The following TRDMT1 variants were observed in gnomAD, a reference collection of about 807,000 sequenced individuals.
TRDMT1 encodes the protein tRNA aspartic acid methyltransferase 1.
In TRDMT1, 49 loss-of-function variants were observed where a neutral mutation model predicts 51.2. The ratio of observed to expected loss-of-function variants is 0.96; its 90% CI spans 0.76 to 1.21. TRDMT1 has a LOEUF of 1.21. TRDMT1 is among the 50% of genes most tolerant of loss of function. The pLI is 0.00. For missense variants in TRDMT1, 534 were observed against 462.3 expected (o/e 1.16, Z -1.42); for synonymous variants, 187 against 164.6 (o/e 1.14, Z -1.04).
At chr10:17,185,913 G>C (rs893447426) in intron 1 of TRDMT1, among the ~76,000 whole-genome samples, 1 of 151,992 alleles carries the variant, frequency 6.6e-6, no homozygotes, top group Non-Finnish European at 1.5e-5. Context: ...TGTGGGGTGC[G>C]GGGAGGAAGG....
chr10:17,143,213 T>C lies in TRDMT1; in HGVS notation c.*5827A>G. ...TATGTAGCTTCAATATTGATTCCAG[T>C]ATGGTTCCTACATTCACTCATTCAA... On this transcript the variant is annotated 3_prime_UTR_variant, in exon 11 of 11. Transcript: ENST00000377799. The C allele has an allele frequency of 1.0e-6, 1 of 985,452 alleles. No individual in the cohort carries two copies. The allele number at this position is 985,452 out of a possible 1,614,324, so 61.0% of individuals were successfully genotyped here.
chr10:17,197,201 C>G (rs1406766381), intron 1 of TRDMT1, among the ~76,000 whole-genome samples: 1 of 151,974 alleles, frequency 6.6e-6, no homozygotes, highest in Non-Finnish European at 1.5e-5. Flanking sequence ...AAAAAAGAAT[C>G]TGGGCTAAAT....
chr10:17,195,252 C>T (rs550331551), intron 1 of TRDMT1, among the ~76,000 whole-genome samples: 1 of 152,238 alleles, frequency 6.6e-6, no homozygotes, highest in East Asian at 1.9e-4. Flanking sequence ...TATATATACA[C>T]CATTGGAATA....
intron 1 of TRDMT1, 113 bp downstream of exon 1, chr10:17,201,458 T>G (rs533076399): frequency 8.5e-7 from 1 of 1,176,216 alleles, no homozygotes; most frequent in Non-Finnish European, 1.2e-6. Flanking sequence ...CCCCACAGTG[T>G]CCGCCCCACA....
At chr10:17,164,339 C>T (rs1053531819) in intron 3 of TRDMT1, among the ~76,000 whole-genome samples, 1 of 152,168 alleles carries the variant, frequency 6.6e-6, no homozygotes, top group Non-Finnish European at 1.5e-5. Context: ...TAAAAACTCT[C>T]AATAAATTAG....
At chr10:17,192,280 G>A (rs922124906) in intron 1 of TRDMT1, among the ~76,000 whole-genome samples, 3 of 152,146 alleles carry the variant, frequency 2.0e-5, no homozygotes, top group African/African-American at 7.2e-5. Context: ...ATTGGGGTGA[G>A]GCAGGTTACA....
At chr10:17,169,603 C>A in intron 2 of TRDMT1, 1 of 1,046,628 alleles carries the variant, frequency 9.6e-7, no homozygotes, top group Non-Finnish European at 1.3e-6. Flanking sequence ...ACATTAAGCA[C>A]TCTCAGTGCA....
intron 3 of TRDMT1, 68 bp from the exon 4 acceptor site, chr10:17,162,305 A>ATTCTTTT (rs1214220820): frequency 7.1e-7 from 1 of 1,412,448 alleles, no homozygotes; most frequent in Non-Finnish European, 9.7e-7. Flanking sequence ...TGATAAAAAG[A>ATTCTTTT]TGTCAAATCA....
chr10:17,169,302 ATACC>A (rs1841643287), intron 2 of TRDMT1: 3 of 1,177,144 alleles, frequency 2.5e-6, no homozygotes, highest in East Asian at 5.9e-5. Flanking sequence ...AAATTTTTAA[ATACC>A]TACCTGTCAA....
chr10:17,161,107 A>G (rs725356), intron 5 of TRDMT1, among the ~76,000 whole-genome samples: 144,269 of 152,222 alleles, frequency 0.95, 68,740 homozygotes, highest in Non-Finnish European at 1. Context: ...CCGACACAGG[A>G]ATTCTTCCTG....
intron 1 of TRDMT1, among the ~76,000 whole-genome samples, chr10:17,192,782 G>A (rs549134125): frequency 5.3e-5 from 8 of 152,196 alleles, no homozygotes; most frequent in Admixed American, 5.2e-4. Context: ...GAACATCAAG[G>A]TACACTGAAT....
intron 1 of TRDMT1, among the ~76,000 whole-genome samples, chr10:17,185,125 G>A (rs2131577727): frequency 6.6e-6 from 1 of 152,220 alleles, no homozygotes; most frequent in South Asian, 2.1e-4. Context: ...AATAGGACAT[G>A]GACATCTTTG....
intron 1 of TRDMT1, among the ~76,000 whole-genome samples, chr10:17,193,081 G>A (rs1268581027): frequency 1.3e-5 from 2 of 152,074 alleles, no homozygotes; most frequent in East Asian, 1.9e-4. Flanking sequence ...AGAAATAAAG[G>A]AGCCAGGCAC....
chr10:17,155,812 T>C (rs1839417570), intron 8 of TRDMT1, among the ~76,000 whole-genome samples: 1 of 152,194 alleles, frequency 6.6e-6, no homozygotes, highest in Non-Finnish European at 1.5e-5. Flanking sequence ...ATATTACACA[T>C]ATAAATACGT....
At chr10:17,161,569 G>A in intron 4 of TRDMT1, 21 bp from the exon 5 acceptor site, 2 of 1,183,230 alleles carry the variant, frequency 1.7e-6, no homozygotes, top group African/African-American at 1.6e-5. Context: ...ATAAACAAAT[G>A]GAATTCTAAA....
intron 1 of TRDMT1, among the ~76,000 whole-genome samples, chr10:17,186,091 G>A (rs116632337): frequency 0.014 from 1,554 of 107,522 alleles, 29 homozygotes; most frequent in African/African-American, 0.044. Flanking sequence ...AAATAAATAT[G>A]GTCAATGCAG....
At chr10:17,165,245 AC>A (rs1194072616) in intron 3 of TRDMT1, among the ~76,000 whole-genome samples, 1 of 152,216 alleles carries the variant, frequency 6.6e-6, no homozygotes, top group Non-Finnish European at 1.5e-5. Context: ...TCTTTGACAA[AC>A]CTGACAAAAA....
chr10:17,156,330 A>G (rs1194012196), intron 8 of TRDMT1, among the ~76,000 whole-genome samples: 1 of 151,402 alleles, frequency 6.6e-6, no homozygotes, highest in African/African-American at 2.4e-5. Context: ...TGCCCCCCAG[A>G]TTCAAGCGAT....
At chr10:17,158,594 G>GT in intron 7 of TRDMT1, among the ~76,000 whole-genome samples, 1 of 151,994 alleles carries the variant, frequency 6.6e-6, no homozygotes, top group Non-Finnish European at 1.5e-5. Context: ...ATCCATCCCC[G>GT]TTTTTTGACC....
Sources: gnomAD v4.1 joint callset for allele counts (sites outside exome capture counted in the v4.1 genomes callset) on GRCh38, gnomAD v4.1.1 for gene constraint, MANE v1.5 for transcripts, NCBI Gene and HGNC (gene_info 2026-07-23, HGNC 2026-07-21) for gene names.